Variants in DLG2 observed in about 807,000 individuals in gnomAD.
DLG2 encodes disks large homolog 2.
DLG2 carries 45 observed loss-of-function variants against 132.5 expected under a neutral mutation model. That is an observed-to-expected ratio of 0.34 (90% CI 0.27 to 0.44). DLG2 has a LOEUF of 0.44. DLG2 is among the 20% of genes least tolerant of loss of function. The pLI is 1.00. For missense variants in DLG2, 1,045 were observed against 1,196.9 expected (o/e 0.87, Z 1.87); for synonymous variants, 424 against 419.6 (o/e 1.01, Z -0.13).
intron 4 of DLG2, among the ~76,000 whole-genome samples, chr11:85,161,145 G>C (rs577189612): frequency 6.6e-6 from 1 of 152,172 alleles, no homozygotes; most frequent in East Asian, 1.9e-4. Flanking sequence ...TATTTGTATC[G>C]CATGGGATTG....
chr11:85,196,433 G>A (rs1162942686), intron 4 of DLG2, among the ~76,000 whole-genome samples: 1 of 152,182 alleles, frequency 6.6e-6, no homozygotes, highest in Non-Finnish European at 1.5e-5. Flanking sequence ...AGGCAGTGGT[G>A]TCCTGGTCAG....
At chr11:84,987,171 A>T (rs974188487) in intron 6 of DLG2, among the ~76,000 whole-genome samples, 2 of 152,158 alleles carry the variant, frequency 1.3e-5, no homozygotes, top group African/African-American at 4.8e-5. Context: ...AATAGCTGCG[A>T]AAAATTAAAA....
intron 5 of DLG2, among the ~76,000 whole-genome samples, chr11:85,140,478 G>A (rs1566925154): frequency 6.6e-6 from 1 of 151,358 alleles, no homozygotes. Context: ...ATATTTATAG[G>A]GTACATGTGA....
intron 6 of DLG2, among the ~76,000 whole-genome samples, chr11:84,549,526 G>A (rs1382230272): frequency 6.6e-6 from 1 of 152,174 alleles, no homozygotes; most frequent in Non-Finnish European, 1.5e-5. Flanking sequence ...CAAATTCCCT[G>A]CAGCTCAGTT....
intron 14 of DLG2, among the ~76,000 whole-genome samples, chr11:83,947,705 G>T (rs115311723): frequency 8.3e-4 from 126 of 152,268 alleles, no homozygotes; most frequent in African/African-American, 2.8e-3. Context: ...CGTGGCATAG[G>T]CATGGATGGG....
chr11:83,702,172 A>G (rs1306712087), intron 18 of DLG2, among the ~76,000 whole-genome samples: 1 of 152,072 alleles, frequency 6.6e-6, no homozygotes, highest in East Asian at 1.9e-4. Flanking sequence ...TTTTCCCCTA[A>G]CATATCTTCT....
At chr11:83,667,080 C>A (rs892735989) in intron 18 of DLG2, among the ~76,000 whole-genome samples, 2 of 152,058 alleles carry the variant, frequency 1.3e-5, no homozygotes, top group African/African-American at 4.8e-5. Flanking sequence ...AAAGTTGTAT[C>A]TATTCATAGA....
chr11:85,407,076 C>A (rs945575343), intron 3 of DLG2, among the ~76,000 whole-genome samples: 11 of 151,658 alleles, frequency 7.3e-5, no homozygotes, highest in African/African-American at 2.4e-4. Context: ...ACAGGAAAAG[C>A]CCAATGACCA....
At chr11:83,641,862 A>AGT (rs34754104) in intron 18 of DLG2, among the ~76,000 whole-genome samples, 1,654 of 147,908 alleles carry the variant, frequency 0.011, 21 homozygotes, top group African/African-American at 0.031. Flanking sequence ...AGAGAGAGGG[A>AGT]GTGTGTGTGT....
At chr11:84,936,386 C>A (rs2105635) in intron 6 of DLG2, among the ~76,000 whole-genome samples, 1 of 151,896 alleles carries the variant, frequency 6.6e-6, no homozygotes, top group Non-Finnish European at 1.5e-5. Context: ...AAACAAAAGC[C>A]TTAAACACAT....
chr11:84,724,300 A>C lies in DLG2; in HGVS notation c.358-189569T>G, dbSNP rs1249613080. On this transcript the variant is annotated intron_variant, in intron 6 of 27. Coordinates refer to ENST00000376104, the MANE Select transcript of DLG2 (RefSeq NM_001142699.3). The stretch of plus-strand genomic sequence containing the variant: ...ATACATTTTTATGAATGTAAAGTAA[A>C]TTTGAGAAACCATTTTGTTCAGTTA... Among the ~76,000 whole-genome samples, 3 of 152,152 alleles carry C rather than the reference A, an allele frequency of 2.0e-5. No individual in the cohort carries two copies. The East Asian group carries it at 5.8e-4, about 29-fold the overall frequency.
At chr11:84,175,709 C>A (rs779017261) in intron 8 of DLG2, among the ~76,000 whole-genome samples, 1 of 152,102 alleles carries the variant, frequency 6.6e-6, no homozygotes, top group Non-Finnish European at 1.5e-5. Flanking sequence ...TCTTCACAAC[C>A]TTGGGAAAAG....
At chr11:84,762,981 T>C (rs2153868655) in intron 6 of DLG2, among the ~76,000 whole-genome samples, 1 of 152,300 alleles carries the variant, frequency 6.6e-6, no homozygotes, top group East Asian at 1.9e-4. Context: ...AAATATTTTA[T>C]AACAATTCTC....
chr11:85,282,145 G>A (rs1295517909), intron 4 of DLG2, among the ~76,000 whole-genome samples: 1 of 151,738 alleles, frequency 6.6e-6, no homozygotes, highest in East Asian at 1.9e-4. Flanking sequence ...ATATATGGAA[G>A]CTAAAAAAAA....
intron 6 of DLG2, among the ~76,000 whole-genome samples, chr11:84,723,724 T>C (rs1297308224): frequency 6.6e-6 from 1 of 152,180 alleles, no homozygotes; most frequent in African/African-American, 2.4e-5. Context: ...GAGATATTAC[T>C]AGGAAATGCA....
intron 7 of DLG2, among the ~76,000 whole-genome samples, chr11:84,402,599 G>A (rs971306975): frequency 6.6e-6 from 1 of 151,744 alleles, no homozygotes; most frequent in East Asian, 1.9e-4. Context: ...AATTAACTCG[G>A]CCAGGTGCGG....
intron 4 of DLG2, among the ~76,000 whole-genome samples, chr11:85,270,017 T>C (rs2077429937): frequency 6.6e-6 from 1 of 152,228 alleles, no homozygotes; most frequent in Non-Finnish European, 1.5e-5. Flanking sequence ...TAGCTATCAT[T>C]AAAATGTGTT....
chr11:84,897,434 A>C (rs564225021), intron 6 of DLG2, among the ~76,000 whole-genome samples: 67 of 151,894 alleles, frequency 4.4e-4, no homozygotes, highest in Non-Finnish European at 7.5e-4. Context: ...GAACCTAGAG[A>C]AAGGGCATGG....
chr11:85,351,862 A>G (rs1451906050), intron 3 of DLG2, among the ~76,000 whole-genome samples: 1 of 152,160 alleles, frequency 6.6e-6, no homozygotes, highest in Non-Finnish European at 1.5e-5. Flanking sequence ...ATATTGGGCT[A>G]AAATTCTCTT....
Sources: gnomAD v4.1 joint callset for allele counts (sites outside exome capture counted in the v4.1 genomes callset) on GRCh38, gnomAD v4.1.1 for gene constraint, MANE v1.5 for transcripts, NCBI Gene and HGNC (gene_info 2026-07-23, HGNC 2026-07-21) for gene names.